ALKBH8: variants seen among roughly 807,000 people sequenced by gnomAD.
The protein encoded by ALKBH8 is alkB homolog 8, tRNA methyltransferase.
Under a neutral mutation model 59.8 loss-of-function variants are expected in ALKBH8, and 36 were observed. The observed-to-expected ratio is 0.60, with a 90% CI of 0.46 to 0.79. The LOEUF (loss-of-function observed/expected upper bound fraction) is 0.79. Among genes scored for constraint, ALKBH8 ranks in the 30% least tolerant of loss-of-function variants. ALKBH8 has a pLI of 0.00. For missense variants in ALKBH8, 768 were observed against 801.0 expected (o/e 0.96, Z 0.50); for synonymous variants, 276 against 273.6 (o/e 1.01, Z -0.09).
intron 8 of ALKBH8, among the ~76,000 whole-genome samples, chr11:107,526,728 T>C (rs192888731): frequency 7.9e-5 from 12 of 152,166 alleles, no homozygotes; most frequent in Admixed American, 7.9e-4. Flanking sequence ...TTTACATCTA[T>C]GATCTACCTC....
At chr11:107,520,625 T>A (rs1282605493) in intron 10 of ALKBH8, among the ~76,000 whole-genome samples, 1 of 152,236 alleles carries the variant, frequency 6.6e-6, no homozygotes, top group Non-Finnish European at 1.5e-5. Flanking sequence ...TGTGGTTTGT[T>A]GTGATTTTAA....
Position 107,553,120 on chromosome 11 carries a change from G to T in ALKBH8, c.583C>A (p.Pro195Thr). 1 of 1,592,690 alleles carries T rather than the reference G, an allele frequency of 6.3e-7. No homozygotes were observed. Among genetic ancestry groups the T allele is most frequent in the Non-Finnish European group, 8.6e-7 (1 of 1,167,190 alleles). Residue 195 changes from proline (P) to threonine (T), a missense_variant, in exon 5 of 12, where the codon CCA becomes ACA. Transcript: ENST00000428149. ...AGCAATTACTTACCCCCAGATAATG[G>T]CTTATCTTTATCTACATTGTTGTTC... The part of the protein sequence containing the change: ...YENNNVDKDK[P>T]LSGGLPDICE...
intron 1 of ALKBH8, chr11:107,563,432 T>C (rs977623345): frequency 6.6e-6 from 1 of 152,128 alleles, no homozygotes; most frequent in African/African-American, 2.4e-5. Flanking sequence ...CCTAGATGAG[T>C]TGGTTATATA....
At chr11:107,532,179 C>T (rs1863621948) in intron 8 of ALKBH8, 121 bp downstream of exon 8, 2 of 691,802 alleles carry the variant, frequency 2.9e-6, no homozygotes, top group Admixed American at 6.4e-5. Context: ...ATAGATGCCC[C>T]TAGGAGTTCT....
intron 8 of ALKBH8, among the ~76,000 whole-genome samples, chr11:107,526,420 T>A (rs80356189): frequency 0.032 from 4,900 of 152,082 alleles, 120 homozygotes; most frequent in Non-Finnish European, 0.047. Flanking sequence ...GATCCTTTTT[T>A]GATAAAGGAT....
At chr11:107,558,001 G>C (rs1214262462) in intron 2 of ALKBH8, among the ~76,000 whole-genome samples, 1 of 152,174 alleles carries the variant, frequency 6.6e-6, no homozygotes, top group Non-Finnish European at 1.5e-5. Flanking sequence ...AGAAGAGGTA[G>C]ATAGTAAATA....
At chr11:107,505,588 C>T (rs1274775744) in intron 11 of ALKBH8, among the ~76,000 whole-genome samples, 1 of 152,188 alleles carries the variant, frequency 6.6e-6, no homozygotes, top group Non-Finnish European at 1.5e-5. Flanking sequence ...GTCAACTATA[C>T]TATGGAGACT....
At chr11:107,536,075 A>G (rs969800858) in intron 7 of ALKBH8, among the ~76,000 whole-genome samples, 8 of 152,234 alleles carry the variant, frequency 5.3e-5, no homozygotes, top group African/African-American at 1.7e-4. Context: ...AGTTTCACAC[A>G]ATAAAGGTGG....
intron 10 of ALKBH8, among the ~76,000 whole-genome samples, chr11:107,516,938 C>G (rs994592309): frequency 6.6e-6 from 1 of 151,954 alleles, no homozygotes; most frequent in Admixed American, 6.6e-5. Flanking sequence ...GTGGGAGGAT[C>G]AATTGAGCCT....
chr11:107,553,747 A>C, intron 4 of ALKBH8, 100 bp downstream of exon 4: 2 of 1,300,544 alleles, frequency 1.5e-6, no homozygotes, highest in South Asian at 3.1e-5. Flanking sequence ...GGCTAGTTTC[A>C]GTAATTTTGA....
At position 107,522,373 on chromosome 11, in the gene ALKBH8, G is replaced by C. The variant is rs754720775; in HGVS notation, c.1213C>G (p.Pro405Ala). Residue 405 changes from proline to alanine, a missense_variant, in exon 10 of 12, where the codon CCA becomes GCA. Coordinates refer to ENST00000428149, the MANE Select transcript of ALKBH8 (RefSeq NM_138775.3). ...PHIVEFLKAL[P>A]SGSIVADIGC... ...ATATCAGCCACTATTGAACCACTTG[G>C]CAAAGCCTTCAAAAACTCCACAATG... The C allele has an allele frequency of 3.9e-6, 6 of 1,551,614 alleles. No individual in the cohort carries two copies. In the South Asian group the frequency reaches 7.1e-5, roughly 18 times the overall value.
At chr11:107,551,271 T>C (rs1159485736) in intron 6 of ALKBH8, among the ~76,000 whole-genome samples, 3 of 152,270 alleles carry the variant, frequency 2.0e-5, no homozygotes, top group Non-Finnish European at 4.4e-5. Context: ...CAGTGATTTG[T>C]ATCAGTGTGT....
intron 5 of ALKBH8, 123 bp downstream of exon 5, chr11:107,552,985 A>C (rs1295926417): frequency 3.1e-6 from 2 of 636,542 alleles, no homozygotes; most frequent in East Asian, 3.1e-5. Context: ...AAAGTGTTTT[A>C]AATAAACTGT....
chr11:107,523,474 G>C (rs994741324), intron 9 of ALKBH8, among the ~76,000 whole-genome samples: 1 of 152,044 alleles, frequency 6.6e-6, no homozygotes, highest in Non-Finnish European at 1.5e-5. Flanking sequence ...GTGGGAGCCG[G>C]GGAGATGCTA....
intron 3 of ALKBH8, among the ~76,000 whole-genome samples, chr11:107,555,933 A>T (rs867024996): frequency 3.9e-5 from 6 of 152,202 alleles, no homozygotes; most frequent in Middle Eastern, 3.2e-3. Flanking sequence ...GGCAGCACAG[A>T]CAGGAACATT....
intron 11 of ALKBH8, among the ~76,000 whole-genome samples, chr11:107,509,796 T>C (rs779557527): frequency 1.3e-5 from 2 of 152,198 alleles, no homozygotes; most frequent in Non-Finnish European, 2.9e-5. Context: ...GACGATCATA[T>C]AGAACTTCAT....
chr11:107,549,721 T>C (rs756261020), intron 7 of ALKBH8, 32 bp downstream of exon 7: 5 of 1,436,876 alleles, frequency 3.5e-6, no homozygotes, highest in Non-Finnish European at 4.8e-6. Context: ...AGGTAAGATA[T>C]ATGATGATAG....
At chr11:107,551,401 T>C (rs755552419) in intron 6 of ALKBH8, among the ~76,000 whole-genome samples, 2 of 152,176 alleles carry the variant, frequency 1.3e-5, no homozygotes, top group Non-Finnish European at 2.9e-5. Flanking sequence ...TTAAAAATAA[T>C]GTATTTGCTT....
intron 3 of ALKBH8, among the ~76,000 whole-genome samples, chr11:107,556,543 A>T (rs1250049195): frequency 6.6e-6 from 1 of 152,196 alleles, no homozygotes; most frequent in Non-Finnish European, 1.5e-5. Context: ...GACTGGTGGG[A>T]CTAGCTTTGT....
Sources: gnomAD v4.1 joint callset for allele counts (sites outside exome capture counted in the v4.1 genomes callset) on GRCh38, gnomAD v4.1.1 for gene constraint, MANE v1.5 for transcripts, NCBI Gene and HGNC (gene_info 2026-07-23, HGNC 2026-07-21) for gene names.